Variants in PRKCA observed in about 807,000 individuals in gnomAD.
The protein encoded by PRKCA is protein kinase C alpha, also known as protein kinase C alpha type.
PRKCA carries 27 observed loss-of-function variants against 87.0 expected under a neutral mutation model. That is an observed-to-expected ratio of 0.31 (90% confidence interval 0.23 to 0.43). The LOEUF is 0.43. Ranked by LOEUF, PRKCA falls within the 20% of genes least tolerant of loss-of-function variation. PRKCA has a pLI of 1.00. For missense variants in PRKCA, 518 were observed against 852.3 expected (o/e 0.61, Z 4.88); for synonymous variants, 329 against 311.1 (o/e 1.06, Z -0.61).
intron 2 of PRKCA, among the ~76,000 whole-genome samples, chr17:66,475,573 A>G (rs1598703747): frequency 6.6e-6 from 1 of 152,122 alleles, no homozygotes; most frequent in South Asian, 2.1e-4. Flanking sequence ...CATTTGAGAC[A>G]TTTGCCTTGT....
chr17:66,310,433 A>G (rs1408669272), intron 2 of PRKCA, among the ~76,000 whole-genome samples: 2 of 152,130 alleles, frequency 1.3e-5, no homozygotes, highest in African/African-American at 4.8e-5. Context: ...TGATGCTACT[A>G]AAGTTGTTTT....
At chr17:66,512,812 C>A (rs531305988) in intron 3 of PRKCA, among the ~76,000 whole-genome samples, 1 of 152,096 alleles carries the variant, frequency 6.6e-6, no homozygotes, top group Non-Finnish European at 1.5e-5. Flanking sequence ...CCTGCCTCAG[C>A]CTCTTGAGTG....
chr17:66,486,588 G>A (rs1019977319), intron 2 of PRKCA, among the ~76,000 whole-genome samples: 2 of 151,884 alleles, frequency 1.3e-5, no homozygotes, highest in Non-Finnish European at 2.9e-5. Context: ...AGACAGCCTC[G>A]TCCTTTCTAC....
intron 2 of PRKCA, among the ~76,000 whole-genome samples, chr17:66,485,549 T>C (rs1415542942): frequency 6.6e-6 from 1 of 152,168 alleles, no homozygotes; most frequent in African/African-American, 2.4e-5. Context: ...TTCCATCCTC[T>C]CAGAATTCTG....
chr17:66,589,129 C>T (rs989685649), intron 3 of PRKCA, among the ~76,000 whole-genome samples: 2 of 152,030 alleles, frequency 1.3e-5, no homozygotes, highest in African/African-American at 4.8e-5. Context: ...GTTCTTATGA[C>T]CCATAAAAGA....
At chr17:66,771,260 T>C (rs905815680) in intron 13 of PRKCA, among the ~76,000 whole-genome samples, 3 of 152,160 alleles carry the variant, frequency 2.0e-5, no homozygotes, top group Admixed American at 6.5e-5. Flanking sequence ...CCACCTCGGC[T>C]TCCCAAAGTT....
At chr17:66,729,778 T>C (rs965332851) in intron 8 of PRKCA, among the ~76,000 whole-genome samples, 4 of 109,292 alleles carry the variant, frequency 3.7e-5, no homozygotes, top group Non-Finnish European at 7.6e-5. Context: ...GAGCGAGTTA[T>C]TCTTTTTTTT....
In PRKCA at chr17:66,809,391, A is replaced by G. The variant is rs1275457836; in HGVS notation, c.*5354A>G. 1 of 152,626 alleles carries G rather than the reference A, an allele frequency of 6.6e-6. No individual in the cohort carries two copies. The highest frequency in any genetic ancestry group is 1.5e-5 in the Non-Finnish European group (1 of 68,028). The allele number at this position is 152,626 out of a possible 1,614,324, so 9.5% of individuals were successfully genotyped here. A position where few individuals can be genotyped will look rare whatever the true frequency, so the allele number is the denominator to read the frequency against. On this transcript the variant is annotated 3_prime_UTR_variant, in exon 17 of 17. Transcript: ENST00000413366. ...CCCTACACAAAAGCCCCCAAATTCC[A>G]AAGACTTTTTCTTAACCTAAAGGAA...
At chr17:66,528,072 G>A (rs1967405640) in intron 3 of PRKCA, among the ~76,000 whole-genome samples, 1 of 151,956 alleles carries the variant, frequency 6.6e-6, no homozygotes, top group Non-Finnish European at 1.5e-5. Context: ...CAGGCGTGGT[G>A]GCTACTGTAA....
chr17:66,790,827 G>A (rs1037446944), intron 16 of PRKCA, among the ~76,000 whole-genome samples: 4 of 151,838 alleles, frequency 2.6e-5, no homozygotes, highest in African/African-American at 7.3e-5. Context: ...CCCTAAGCTC[G>A]GATATAGGGA....
chr17:66,310,311 A>G (rs1489795940), intron 2 of PRKCA, among the ~76,000 whole-genome samples: 2 of 151,994 alleles, frequency 1.3e-5, no homozygotes, highest in Non-Finnish European at 2.9e-5. Context: ...AGACAGCGTG[A>G]GAATTAAGCT....
At chr17:66,705,375 A>G (rs1973165604) in intron 8 of PRKCA, among the ~76,000 whole-genome samples, 1 of 152,198 alleles carries the variant, frequency 6.6e-6, no homozygotes, top group African/African-American at 2.4e-5. Flanking sequence ...ACAGCCTCTG[A>G]AAGCAACTGT....
chr17:66,402,503 A>G (rs12451812), intron 2 of PRKCA, among the ~76,000 whole-genome samples: 76,648 of 150,760 alleles, frequency 0.51, 21,633 homozygotes, highest in Non-Finnish European at 0.64. Flanking sequence ...AAAGTAGCTG[A>G]CATTTTGGAG....
intron 3 of PRKCA, among the ~76,000 whole-genome samples, chr17:66,541,299 G>A (rs1186576968): frequency 6.6e-6 from 1 of 152,200 alleles, no homozygotes; most frequent in Non-Finnish European, 1.5e-5. Context: ...TGTGGTACGT[G>A]CTCCTGCGGC....
At chr17:66,431,729 G>T (rs1284506387) in intron 2 of PRKCA, among the ~76,000 whole-genome samples, 1 of 152,150 alleles carries the variant, frequency 6.6e-6, no homozygotes, top group East Asian at 1.9e-4. Context: ...AGCACTAAAT[G>T]GAATTGATTC....
intron 3 of PRKCA, among the ~76,000 whole-genome samples, chr17:66,569,140 C>A (rs1438724826): frequency 6.6e-6 from 1 of 152,046 alleles, no homozygotes; most frequent in African/African-American, 2.4e-5. Context: ...TAAACAGGAT[C>A]TAAATAGAAC....
At chr17:66,727,542 C>T (rs1653402382) in intron 8 of PRKCA, among the ~76,000 whole-genome samples, 1 of 152,164 alleles carries the variant, frequency 6.6e-6, no homozygotes, top group Admixed American at 6.6e-5. Flanking sequence ...CAGCTTGGCC[C>T]ACATCCTGAT....
At chr17:66,788,563 G>A (rs980931009) in intron 15 of PRKCA, among the ~76,000 whole-genome samples, 1 of 151,950 alleles carries the variant, frequency 6.6e-6, no homozygotes, top group African/African-American at 2.4e-5. Context: ...CGTGTGAGAT[G>A]TCTGTTTAAA....
chr17:66,798,407 ATGGTGATGGTGGTGGTGGTGG>A (rs1975727881), intron 16 of PRKCA, among the ~76,000 whole-genome samples: 2 of 47,536 alleles, frequency 4.2e-5, no homozygotes, highest in Non-Finnish European at 7.8e-5. Context: ...GGTGGTGGTG[ATGGTGATGGTGGTGGTGGTGG>A]TGGTGACGGT....
Sources: allele counts gnomAD v4.1 joint callset (sites outside exome capture counted in the v4.1 genomes callset), GRCh38; gene constraint gnomAD v4.1.1; transcripts MANE v1.5; gene names NCBI Gene and HGNC (gene_info 2026-07-23, HGNC 2026-07-21).